The following ARMH1 variants were observed in gnomAD, a reference collection of about 807,000 sequenced individuals.
ARMH1 encodes armadillo like helical domain containing 1.
In ARMH1, 34 loss-of-function variants were observed where a neutral mutation model predicts 50.2. That is an observed-to-expected ratio of 0.68 (90% CI 0.51 to 0.90). The LOEUF is 0.90. Ranked by LOEUF, ARMH1 falls within the 40% of genes least tolerant of loss-of-function variation. The pLI is 0.00. For missense variants in ARMH1, 538 were observed against 553.9 expected (o/e 0.97, Z 0.29); for synonymous variants, 221 against 224.2 (o/e 0.99, Z 0.13).
At chr1:44,715,918 C>T (rs989250058) in intron 6 of ARMH1, among the ~76,000 whole-genome samples, 1 of 152,246 alleles carries the variant, frequency 6.6e-6, no homozygotes, top group African/African-American at 2.4e-5. Flanking sequence ...CTAGCACGTG[C>T]TCAATCCCTG....
At chr1:44,704,054 G>T in intron 5 of ARMH1, 35 bp from the exon 6 acceptor site, 3 of 1,402,464 alleles carry the variant, frequency 2.1e-6, no homozygotes, top group Non-Finnish European at 2.9e-6. Context: ...AAAAAAAAAA[G>T]ACTAACCACC....
Position 44,681,083 on chromosome 1 carries a change from C to T in ARMH1, c.-23+6210C>T, listed in dbSNP as rs1645296887. On this transcript the variant is annotated intron_variant, in intron 1 of 11. Coordinates refer to ENST00000535358, the MANE Select transcript of ARMH1 (RefSeq NM_001145636.2). The surrounding 1 kb of genome is among the most constrained non-coding windows in gnomAD (Gnocchi z 4.3). ...GATCTCGGCTCACTGCAAGCTCCAC[C>T]TCCCGGGTTCACGCCATTCTCCTGC... is the stretch of plus-strand genomic sequence containing the variant. Among the ~76,000 whole-genome samples, 1 of 151,650 alleles carries T rather than the reference C, an allele frequency of 6.6e-6. No homozygotes were observed. The highest frequency in any genetic ancestry group is 1.5e-5 in the Non-Finnish European group (1 of 67,900).
rs375717251 is a variant in ARMH1 at position 44,681,034 on chromosome 1, A to G, written c.-23+6161A>G. ...TTTTGAGACGGAGTCTCGCTCTGTC[A>G]CCCAGGCTGGAGTGTAGTGGCGTGA... On this transcript the variant is annotated intron_variant, in intron 1 of 11. Coordinates refer to ENST00000535358, the MANE Select transcript of ARMH1 (RefSeq NM_001145636.2). This position sits in a 1 kb window ranked among gnomAD's most constrained non-coding sequence, Gnocchi z 4.3. Among the ~76,000 whole-genome samples, 36 of 134,518 alleles carry G rather than the reference A, an allele frequency of 2.7e-4. No individual in the cohort carries two copies. Among genetic ancestry groups the G allele is most frequent in the African/African-American group, 9.7e-4 (33 of 34,154 alleles). 88.2% of individuals were successfully genotyped at this position (134,518 alleles called of 152,430 possible).
chr1:44,689,316 G>A (rs1645579831), intron 1 of ARMH1: 2 of 216,800 alleles, frequency 9.2e-6, no homozygotes, highest in African/African-American at 2.3e-5. Context: ...ACCTGCCTGG[G>A]CCTTCCAAAG....
At position 44,682,483 on chromosome 1, in the gene ARMH1, AAGG is replaced by A. The variant is rs1201564126; in HGVS notation, c.-22-7192_-22-7190del. On this transcript the variant is annotated intron_variant, in intron 1 of 11. Transcript: ENST00000535358. This position sits in a 1 kb window ranked among gnomAD's most constrained non-coding sequence, Gnocchi z 4.5. ...AAGCAGCAGCAGCATGGGTTGAGGC[AAGG>A]GGTGGGGTGGGGTGTCAGGTTTCAC... Among the ~76,000 whole-genome samples the A allele has an allele frequency of 5.3e-5, 8 of 152,308 alleles. No individual in the cohort carries two copies. The highest frequency in any genetic ancestry group is 1.9e-4 in the African/African-American group (8 of 41,568).
In ARMH1 at chr1:44,704,700, C is replaced by T. The variant is rs535802205; in HGVS notation, c.724+527C>T. On this transcript the variant is annotated intron_variant, in intron 6 of 11. Transcript: ENST00000535358. The stretch of plus-strand genomic sequence containing the variant: ...CTAACTTTTTAATTTTTTGCAGAAA[C>T]GAGGTCTCACTATGTTGCCCAGGCT... Among the ~76,000 whole-genome samples, 6 of 152,038 alleles carry T rather than the reference C, an allele frequency of 3.9e-5. No homozygotes were observed. In the South Asian group the frequency reaches 1.0e-3, roughly 26 times the overall value.
At position 44,724,706 on chromosome 1, in the gene ARMH1, C is replaced by T. The variant is rs1278654165; in HGVS notation, c.1050+38C>T. The T allele has an allele frequency of 1.4e-5, 20 of 1,480,550 alleles. No homozygotes were observed. Among genetic ancestry groups the T allele is most frequent in the Non-Finnish European group, 1.7e-5 (19 of 1,123,150 alleles). 91.7% of individuals were successfully genotyped at this position (1,480,550 alleles called of 1,614,324 possible). A position where few individuals can be genotyped will look rare whatever the true frequency, so the allele number is the denominator to read the frequency against. Reference sequence around the variant, plus strand: ...GCTGGTTAGGGGGCGGGAAGGGCGGCGGCACCCGCAGCCCCGTCGCCCCCG... The same window carrying T: ...GCTGGTTAGGGGGCGGGAAGGGCGGTGGCACCCGCAGCCCCGTCGCCCCCG... On this transcript the variant is annotated intron_variant, in intron 9 of 11. Coordinates refer to ENST00000535358, the MANE Select transcript of ARMH1 (RefSeq NM_001145636.2). This position sits in a 1 kb window ranked among gnomAD's most constrained non-coding sequence, Gnocchi z 6.4.
At chr1:44,721,492 G>A (rs971779014) in intron 6 of ARMH1, among the ~76,000 whole-genome samples, 6 of 151,548 alleles carry the variant, frequency 4.0e-5, no homozygotes, top group African/African-American at 9.7e-5. Flanking sequence ...GATACAGACT[G>A]TCAAAAACTA....
At chr1:44,717,458 C>A (rs986063126) in intron 6 of ARMH1, among the ~76,000 whole-genome samples, 1 of 152,200 alleles carries the variant, frequency 6.6e-6, no homozygotes, top group Non-Finnish European at 1.5e-5. Context: ...TGCCAATTCA[C>A]GCATCACCGT....
chr1:44,703,529 C>T, intron 5 of ARMH1, among the ~76,000 whole-genome samples: 1 of 146,356 alleles, frequency 6.8e-6, no homozygotes, highest in Admixed American at 7.1e-5. Context: ...TCGAGACCAG[C>T]CTGGTCAACA....
chr1:44,674,947 CTGGA>C (rs113637216), intron 1 of ARMH1, 74 bp downstream of exon 1: 56,451 of 150,962 alleles, frequency 0.37, 10,769 homozygotes, highest in Middle Eastern at 0.44. Flanking sequence ...GAGGCATATT[CTGGA>C]TGGATGGATG....
rs1471283145 is a variant in ARMH1, at chr1:44,682,520, G to A, written c.-22-7156G>A. Among the ~76,000 whole-genome samples, 1 of 152,168 alleles carries A rather than the reference G, an allele frequency of 6.6e-6. No homozygotes were observed. Among genetic ancestry groups the A allele is most frequent in the South Asian group, 2.1e-4 (1 of 4,830 alleles). ...GGGGTGTCAGGTTTCACCTGGGGCC[G>A]AATTTAGATGGAAATTCTTTGGCCT... On this transcript the variant is annotated intron_variant, in intron 1 of 11. Transcript: ENST00000535358. This position sits in a 1 kb window ranked among gnomAD's most constrained non-coding sequence, Gnocchi z 4.5.
chr1:44,698,072 C>T lies in ARMH1; in HGVS notation c.285C>T (p.Tyr95=), dbSNP rs1265002708. The T allele has an allele frequency of 1.3e-6, 2 of 1,548,978 alleles. No homozygotes were observed. Among genetic ancestry groups the T allele is most frequent in the African/African-American group, 2.7e-5 (2 of 72,954 alleles). Residue 95 remains tyrosine (Y), a synonymous_variant, in exon 4 of 12, where the codon TAC becomes TAT. Coordinates refer to ENST00000535358, the MANE Select transcript of ARMH1 (RefSeq NM_001145636.2). ...IFLSAVSSNR[Y]LIEFLEVGGV... is the part of the protein sequence containing the mutation. Reference sequence around the variant, plus strand: ...CTATCCCTCTGGACAGTAATCGGTACCTTATAGAATTTCTTGAGGTTGGAG... The same window carrying T: ...CTATCCCTCTGGACAGTAATCGGTATCTTATAGAATTTCTTGAGGTTGGAG...
At chr1:44,676,979 A>G (rs551761841) in intron 1 of ARMH1, among the ~76,000 whole-genome samples, 11 of 152,330 alleles carry the variant, frequency 7.2e-5, no homozygotes, top group Middle Eastern at 6.8e-3. Context: ...ATTCACTTAG[A>G]AGGGTGGAGG....
rs1250792839 is a variant in ARMH1 at position 44,698,151 on chromosome 1, A to G, written c.364A>G (p.Lys122Glu). ...GCTAGAGAAGATCAAGGAGGAGGCC[A>G]AGAAGGAATCTGTCAAACTACTTCA... is the stretch of plus-strand genomic sequence containing the variant. Reference protein sequence around the residue: ...LGLEKIKEEAKKESVKLLQVI... With the variant: ...LGLEKIKEEAEKESVKLLQVI... The change falls in exon 4 of 12, where the codon AAG becomes GAG. Residue 122 changes from lysine (K) to glutamate (E), a missense_variant. Coordinates refer to ENST00000535358, the MANE Select transcript of ARMH1 (RefSeq NM_001145636.2). The G allele has an allele frequency of 2.0e-5, 31 of 1,552,292 alleles. No individual in the cohort carries two copies. Among genetic ancestry groups the G allele is most frequent in the Non-Finnish European group, 2.7e-5 (31 of 1,147,150 alleles).
chr1:44,709,422 C>G (rs185124455), intron 6 of ARMH1, among the ~76,000 whole-genome samples: 1 of 152,194 alleles, frequency 6.6e-6, no homozygotes, highest in Admixed American at 6.5e-5. Context: ...CCTTTAATCC[C>G]AGCACTTTGG....
At chr1:44,714,008 T>A (rs1646733700) in intron 6 of ARMH1, among the ~76,000 whole-genome samples, 1 of 152,158 alleles carries the variant, frequency 6.6e-6, no homozygotes, top group Non-Finnish European at 1.5e-5. Context: ...CCTGACGCAG[T>A]GGCTCACGCA....
intron 6 of ARMH1, among the ~76,000 whole-genome samples, chr1:44,707,431 A>AT (rs1412736062): frequency 6.6e-6 from 1 of 152,114 alleles, no homozygotes; most frequent in African/African-American, 2.4e-5. Context: ...GTGAAAAAAA[A>AT]ATCTTATTTC....
chr1:44,710,623 A>G (rs968044479), intron 6 of ARMH1, among the ~76,000 whole-genome samples: 1 of 151,962 alleles, frequency 6.6e-6, no homozygotes, highest in Non-Finnish European at 1.5e-5. Flanking sequence ...AAAAAAAAAA[A>G]AAAAAAGAAA....
Sources: allele counts gnomAD v4.1 joint callset (sites outside exome capture counted in the v4.1 genomes callset), GRCh38; gene constraint gnomAD v4.1.1; non-coding constraint Gnocchi (gnomAD v3.1); transcripts MANE v1.5; gene names NCBI Gene and HGNC (gene_info 2026-07-23, HGNC 2026-07-21).